The following CDH2 variants were observed in gnomAD, a reference collection of about 807,000 sequenced individuals.
The protein encoded by CDH2 is cadherin-2.
In CDH2, 17 loss-of-function variants were observed where a neutral mutation model predicts 92.0. The observed-to-expected ratio is 0.18, with a 90% CI of 0.13 to 0.28. The LOEUF is 0.28. Ranked by LOEUF, CDH2 falls within the 10% of genes least tolerant of loss-of-function variation. CDH2 has a pLI of 1.00. For missense variants in CDH2, 862 were observed against 1,133.1 expected (o/e 0.76, Z 3.44); for synonymous variants, 419 against 415.9 (o/e 1.01, Z -0.09).
At chr18:28,019,376 G>T (rs941506175) in intron 2 of CDH2, among the ~76,000 whole-genome samples, 4 of 151,368 alleles carry the variant, frequency 2.6e-5, no homozygotes, top group African/African-American at 9.7e-5. Context: ...GAAAGAAAGA[G>T]AAAAGAAAAA....
At chr18:28,087,851 T>C (rs541525361) in intron 2 of CDH2, among the ~76,000 whole-genome samples, 8 of 152,272 alleles carry the variant, frequency 5.3e-5, no homozygotes, top group African/African-American at 1.9e-4. Flanking sequence ...CAAACTTTCA[T>C]GATGGGAGCC....
At chr18:28,161,938 A>G (rs1208568608) in intron 1 of CDH2, among the ~76,000 whole-genome samples, 1 of 152,182 alleles carries the variant, frequency 6.6e-6, no homozygotes, top group Non-Finnish European at 1.5e-5. Context: ...GTTAAGCTAT[A>G]GGTCCGTAAG....
At chr18:28,080,488 G>A (rs570058015) in intron 2 of CDH2, among the ~76,000 whole-genome samples, 76 of 151,908 alleles carry the variant, frequency 5.0e-4, no homozygotes, top group Non-Finnish European at 8.1e-4. Context: ...TTAATAACTA[G>A]GTCTTTCAAA....
Position 27,985,189 on chromosome 18 carries a change from C to T in CDH2, c.2020G>A (p.Gly674Ser). Residue 674 changes from glycine (G) to serine (S), a missense_variant, in exon 13 of 16, where the codon GGT (glycine) becomes AGT (serine). Gly to Ser is a moderately conservative substitution (Grantham distance 56). Coordinates refer to ENST00000269141, the MANE Select transcript of CDH2 (RefSeq NM_001792.5). ...ATTATGATGGGAACTTCATAGATAC[C>T]AGCTTCAAGAAATTTTATCTTTAAA... ...LNLKIKFLEA[G>S]IYEVPIIITD... 6.2e-7 allele frequency: 1 copy of T among 1,612,824 alleles called. No individual in the cohort carries two copies. The highest frequency in any genetic ancestry group is 8.5e-7 in the Non-Finnish European group (1 of 1,178,898).
intron 6 of CDH2, among the ~76,000 whole-genome samples, chr18:27,944,983 T>A (rs376393556): frequency 3.3e-5 from 5 of 152,254 alleles, no homozygotes; most frequent in African/African-American, 1.2e-4. Context: ...TATTCTCAGA[T>A]TTTAAGTTGT....
intron 1 of CDH2, among the ~76,000 whole-genome samples, chr18:28,152,184 G>C (rs1014231812): frequency 4.6e-5 from 7 of 152,106 alleles, no homozygotes; most frequent in African/African-American, 1.7e-4. Flanking sequence ...TAAACTATCT[G>C]CATTTTGCTA....
intron 1 of CDH2, among the ~76,000 whole-genome samples, chr18:28,166,170 A>ATG (rs1555648265): frequency 7.3e-6 from 1 of 136,126 alleles, no homozygotes; most frequent in African/African-American, 2.9e-5. Flanking sequence ...ATATATATAT[A>ATG]TATGTCTGTA....
intron 2 of CDH2, among the ~76,000 whole-genome samples, chr18:28,042,947 G>C (rs2013976548): frequency 6.6e-6 from 1 of 152,096 alleles, no homozygotes; most frequent in African/African-American, 2.4e-5. Context: ...AAAACTATTT[G>C]CAAATTTTAT....
chr18:28,057,580 T>C (rs367717196), intron 2 of CDH2, among the ~76,000 whole-genome samples: 11 of 151,948 alleles, frequency 7.2e-5, no homozygotes, highest in East Asian at 3.9e-4. Flanking sequence ...GGCAGGAGAA[T>C]TGCTTGAACC....
At chr18:28,139,818 CA>C (rs1418372133) in intron 2 of CDH2, among the ~76,000 whole-genome samples, 9 of 152,006 alleles carry the variant, frequency 5.9e-5, no homozygotes, top group African/African-American at 2.2e-4. Context: ...TTCAGCTCCA[CA>C]GTGATTTTAT....
At chr18:27,938,815 G>A (rs182761144) in intron 6 of CDH2, among the ~76,000 whole-genome samples, 52 of 152,132 alleles carry the variant, frequency 3.4e-4, no homozygotes, top group African/African-American at 1.1e-3. Flanking sequence ...GACAATACAC[G>A]CCAATTAACT....
At chr18:27,961,228 TGA>T in intron 15 of CDH2, among the ~76,000 whole-genome samples, 1 of 151,518 alleles carries the variant, frequency 6.6e-6, no homozygotes, top group Non-Finnish European at 1.5e-5. Flanking sequence ...GGTGCATACT[TGA>T]ATGCCTGAAA....
intron 2 of CDH2, among the ~76,000 whole-genome samples, chr18:28,121,813 G>A (rs1052245566): frequency 1.3e-5 from 2 of 152,124 alleles, no homozygotes; most frequent in African/African-American, 4.8e-5. Flanking sequence ...ACAAAGCTGT[G>A]ATACTTTGCC....
intron 2 of CDH2, among the ~76,000 whole-genome samples, chr18:28,120,544 C>T (rs1236164516): frequency 6.6e-6 from 1 of 151,952 alleles, no homozygotes; most frequent in African/African-American, 2.4e-5. Context: ...CTATTCATGA[C>T]CAGAATTGAT....
At position 27,968,328 on chromosome 18, in the gene CDH2, T is replaced by G. The variant is rs1392136940; in HGVS notation, c.2350-4807A>C. 2.0e-5 allele frequency among the ~76,000 whole-genome samples: 3 copies of G among 152,044 alleles called. No homozygotes were observed. In the East Asian group the frequency reaches 5.8e-4, roughly 29 times the overall value. On this transcript the variant is annotated intron_variant, in intron 14 of 15. Coordinates refer to ENST00000269141, the MANE Select transcript of CDH2 (RefSeq NM_001792.5). ...CCACCAGGGCAAGCAAAATAAATAATCAAAAAGCTGCATCTTTTTGTCACT... is the reference window on the plus strand; with the variant it reads ...CCACCAGGGCAAGCAAAATAAATAAGCAAAAAGCTGCATCTTTTTGTCACT...
At chr18:27,988,781 C>G (rs569042144) in intron 10 of CDH2, 115 bp from the exon 11 acceptor site, 1 of 723,438 alleles carries the variant, frequency 1.4e-6, no homozygotes, top group East Asian at 2.7e-5. Flanking sequence ...TAGATGATGG[C>G]TGGACATACA....
At chr18:28,007,030 G>T (rs1030357074) in intron 5 of CDH2, among the ~76,000 whole-genome samples, 3 of 150,624 alleles carry the variant, frequency 2.0e-5, no homozygotes, top group East Asian at 2.0e-4. Flanking sequence ...AAAATTAGCT[G>T]GGTGCCTGTA....
At chr18:28,104,776 T>C (rs1009968926) in intron 2 of CDH2, among the ~76,000 whole-genome samples, 1 of 151,938 alleles carries the variant, frequency 6.6e-6, no homozygotes, top group African/African-American at 2.4e-5. Flanking sequence ...GTTCCATCTA[T>C]ATGTATGTTT....
intron 1 of CDH2, among the ~76,000 whole-genome samples, chr18:28,153,339 G>T (rs1271759840): frequency 6.6e-6 from 1 of 152,062 alleles, no homozygotes; most frequent in African/African-American, 2.4e-5. Context: ...GGTCCTTAGG[G>T]GGAGCAATTT....
Sources: allele counts gnomAD v4.1 joint callset (sites outside exome capture counted in the v4.1 genomes callset), GRCh38; gene constraint gnomAD v4.1.1; transcripts MANE v1.5; gene names NCBI Gene and HGNC (gene_info 2026-07-23, HGNC 2026-07-21).